TAF12: variants seen among roughly 807,000 people sequenced by gnomAD.
TAF12 encodes the protein TATA-box binding protein associated factor 12.
A neutral mutation model predicts 20.8 loss-of-function variants in TAF12; 3 were observed. The observed-to-expected ratio is 0.14, with a 90% CI of 0.07 to 0.37. The LOEUF is 0.37. Among genes scored for constraint, TAF12 ranks in the 10% least tolerant of loss-of-function variants. TAF12 has a pLI of 1.00. For synonymous variants in TAF12, 69 were observed against 70.2 expected (o/e 0.98, Z 0.09); for missense variants, 131 against 197.9 (o/e 0.66, Z 2.03).
chr1:28,627,285 G>C lies in TAF12; in HGVS notation c.-84-5120C>G, dbSNP rs188733731. On this transcript the variant is annotated intron_variant, in intron 1 of 5. Coordinates refer to ENST00000373824, the MANE Select transcript of TAF12 (RefSeq NM_005644.4). ...CGCCTGTAATCCGAGCTACTCAGGA[G>C]GCTGACACACAAGAATCACTTGAAC... is the stretch of plus-strand genomic sequence containing the variant. 3.6e-3 allele frequency among the ~76,000 whole-genome samples: 552 copies of C among 151,834 alleles called. 3 individuals are homozygous for C. Among genetic ancestry groups the C allele is most frequent in the African/African-American group, 0.012 (500 of 41,392 alleles).
chr1:28,625,215 A>G (rs1226916694), intron 1 of TAF12, among the ~76,000 whole-genome samples: 1 of 152,184 alleles, frequency 6.6e-6, no homozygotes, highest in Non-Finnish European at 1.5e-5. Flanking sequence ...TTTTTATAAC[A>G]GAGATTTTTG....
At chr1:28,614,715 C>T (rs1666973157) in intron 3 of TAF12, among the ~76,000 whole-genome samples, 1 of 151,100 alleles carries the variant, frequency 6.6e-6, no homozygotes, top group Non-Finnish European at 1.5e-5. Context: ...ACCAGGATGC[C>T]ACCTCAAGCG....
upstream of TAF12, among the ~76,000 whole-genome samples, chr1:28,646,668 T>TACAGGC (rs1237624319): frequency 1.3e-5 from 2 of 151,732 alleles, no homozygotes; most frequent in Non-Finnish European, 2.9e-5. Flanking sequence ...TAGCTAGGAT[T>TACAGGC]ACAGGCACCT....
At chr1:28,612,962 C>T (rs766627721) in intron 4 of TAF12, among the ~76,000 whole-genome samples, 107 of 152,060 alleles carry the variant, frequency 7.0e-4, no homozygotes, top group Non-Finnish European at 1.9e-4. Context: ...ATATTATGAT[C>T]CTCACTTTAC....
chr1:28,635,343 TCGCCCAGGCTACAGTGCAGTGG>T (rs1184899695), intron 1 of TAF12, among the ~76,000 whole-genome samples: 2 of 125,692 alleles, frequency 1.6e-5, no homozygotes, highest in African/African-American at 6.0e-5. Context: ...CAGTGCAGTG[TCGCCCAGGCTACAGTGCAGTGG>T]CGCAATCTTG....
chr1:28,626,047 C>T (rs1667374351), intron 1 of TAF12, among the ~76,000 whole-genome samples: 2 of 151,672 alleles, frequency 1.3e-5, no homozygotes, highest in South Asian at 4.2e-4. Flanking sequence ...GCGGTGTGAT[C>T]TCAGCTCACT....
intron 2 of TAF12, among the ~76,000 whole-genome samples, chr1:28,620,560 C>T (rs1389210291): frequency 1.3e-5 from 2 of 151,994 alleles, no homozygotes; most frequent in African/African-American, 2.4e-5. Context: ...CTCAGCCTCC[C>T]GAGTAGCTGG....
upstream of TAF12, among the ~76,000 whole-genome samples, chr1:28,647,743 A>G (rs1668234020): frequency 6.6e-6 from 1 of 152,078 alleles, no homozygotes; most frequent in South Asian, 2.1e-4. Flanking sequence ...GCATGGTGGC[A>G]GGGGCCTGTA....
At chr1:28,623,287 C>T (rs143080803) in intron 1 of TAF12, among the ~76,000 whole-genome samples, 5,865 of 151,820 alleles carry the variant, frequency 0.039, 363 homozygotes, top group African/African-American at 0.13. Flanking sequence ...TTTGGGAGGC[C>T]GAGGTGGGTG....
chr1:28,620,326 GT>G (rs1225687406), intron 2 of TAF12, among the ~76,000 whole-genome samples: 1 of 151,860 alleles, frequency 6.6e-6, no homozygotes, highest in Non-Finnish European at 1.5e-5. Flanking sequence ...TAGAGATGGG[GT>G]TTCAGCATAT....
chr1:28,610,404 G>T (rs1410251124), intron 4 of TAF12, among the ~76,000 whole-genome samples: 1 of 152,166 alleles, frequency 6.6e-6, no homozygotes, highest in Non-Finnish European at 1.5e-5. Context: ...TGATCCTCCT[G>T]TCTTAGCTTC....
At chr1:28,619,303 C>T (rs759739705) in intron 2 of TAF12, among the ~76,000 whole-genome samples, 3 of 151,456 alleles carry the variant, frequency 2.0e-5, no homozygotes, top group Non-Finnish European at 4.4e-5. Flanking sequence ...ACCATCCTGG[C>T]TAACACGGTG....
At chr1:28,631,897 T>C (rs1014624052) in intron 1 of TAF12, among the ~76,000 whole-genome samples, 3 of 152,128 alleles carry the variant, frequency 2.0e-5, no homozygotes, top group Admixed American at 1.3e-4. Flanking sequence ...GAATGTAAAA[T>C]GGTATAGTTT....
chr1:28,610,672 G>A (rs1418917425), intron 4 of TAF12, among the ~76,000 whole-genome samples: 1 of 151,868 alleles, frequency 6.6e-6, no homozygotes, highest in African/African-American at 2.4e-5. Flanking sequence ...CTATCAAGAG[G>A]TGGAGTCAGC....
At chr1:28,619,938 G>T (rs1667156830) in intron 2 of TAF12, among the ~76,000 whole-genome samples, 2 of 148,898 alleles carry the variant, frequency 1.3e-5, no homozygotes, top group South Asian at 4.3e-4. Flanking sequence ...GATAGAGCGA[G>T]ACTCTGTCTC....
chr1:28,646,587 A>G (rs1253555839), upstream of TAF12, among the ~76,000 whole-genome samples: 1 of 151,830 alleles, frequency 6.6e-6, no homozygotes, highest in Admixed American at 6.6e-5. Context: ...CTGGAGTGCA[A>G]TGGCACAGTC....
intron 1 of TAF12, among the ~76,000 whole-genome samples, chr1:28,628,670 G>T (rs1312003996): frequency 1.3e-5 from 2 of 149,590 alleles, no homozygotes; most frequent in South Asian, 2.1e-4. Context: ...TTTAAATAAA[G>T]ACTTTAAAAA....
chr1:28,605,416 T>C lies in TAF12; in HGVS notation c.406A>G (p.Ile136Val), dbSNP rs1349392976. The C allele has an allele frequency of 6.2e-7, 1 of 1,614,068 alleles. No homozygotes were observed. Among genetic ancestry groups the C allele is most frequent in the African/African-American group, 1.3e-5 (1 of 75,012 alleles). Residue 136 changes from isoleucine (I) to valine (V), a missense_variant, in exon 5 of 6, where the codon ATC becomes GTC. Transcript: ENST00000373824. ...MWIPGFGSEE[I>V]RPYKKACTTE... is the part of the protein sequence containing the mutation. Reference sequence around the variant, plus strand: ...GTGCAAGCTTTTTTGTAGGGTCGGATTTCTTCAGAGCCAAATCCTGGGATC... The same window carrying C: ...GTGCAAGCTTTTTTGTAGGGTCGGACTTCTTCAGAGCCAAATCCTGGGATC...
chr1:28,627,852 A>T (rs1383940158), intron 1 of TAF12, among the ~76,000 whole-genome samples: 1 of 152,068 alleles, frequency 6.6e-6, no homozygotes, highest in Non-Finnish European at 1.5e-5. Flanking sequence ...TATAAAAACT[A>T]AACGAAACAA....
Sources: gnomAD v4.1 joint callset for allele counts (sites outside exome capture counted in the v4.1 genomes callset) on GRCh38, gnomAD v4.1.1 for gene constraint, MANE v1.5 for transcripts, NCBI Gene and HGNC (gene_info 2026-07-23, HGNC 2026-07-21) for gene names.